The following ACTR3C variants were observed in gnomAD, a reference collection of about 807,000 sequenced individuals.
ACTR3C encodes actin related protein 3C.
A neutral mutation model predicts 26.3 loss-of-function variants in ACTR3C; 18 were observed. The ratio of observed to expected loss-of-function variants is 0.68; its 90% CI spans 0.47 to 1.01. The LOEUF is 1.01. ACTR3C is among the 50% of genes least tolerant of loss of function. The pLI, the probability that ACTR3C is intolerant of heterozygous loss-of-function variation, is 0.00. For synonymous variants in ACTR3C, 55 were observed against 94.5 expected (o/e 0.58, Z 2.42); for missense variants, 184 against 250.7 (o/e 0.73, Z 1.80).
At chr7:149,894,863 C>T in the ACTR3C span, among the ~76,000 whole-genome samples, 10 of 151,870 alleles carry the variant, frequency 6.6e-5, no homozygotes, top group South Asian at 8.3e-4. Context: ...AACTACCATA[C>T]GATCCAACAA....
the ACTR3C span, among the ~76,000 whole-genome samples, chr7:150,126,423 A>G: frequency 2.6e-5 from 4 of 152,230 alleles, no homozygotes; most frequent in African/African-American, 7.2e-5. Context: ...TACATTTAAA[A>G]TACTTTATTC....
chr7:150,001,175 C>G, the ACTR3C span: 2 of 152,526 alleles, frequency 1.3e-5, no homozygotes, highest in Non-Finnish European at 2.9e-5. Flanking sequence ...TGGCTCTTGT[C>G]GAGTTGGGGC....
the ACTR3C span, among the ~76,000 whole-genome samples, chr7:150,154,628 A>G: frequency 4.6e-5 from 7 of 152,266 alleles, no homozygotes; most frequent in African/African-American, 1.7e-4. Flanking sequence ...ACAGGAAGTC[A>G]TAGAGCTTTG....
At chr7:150,032,405 T>C in the ACTR3C span, among the ~76,000 whole-genome samples, 2 of 152,218 alleles carry the variant, frequency 1.3e-5, no homozygotes, top group Admixed American at 1.3e-4. Context: ...GTCCTGTTCC[T>C]GTCTGTGCAA....
At chr7:149,992,670 G>A in the ACTR3C span, among the ~76,000 whole-genome samples, 2 of 152,222 alleles carry the variant, frequency 1.3e-5, no homozygotes, top group Admixed American at 1.3e-4. Flanking sequence ...CCGTAGAAGT[G>A]AACGTGGCAA....
At chr7:150,280,303 C>T (rs544311899) in intron 6 of ACTR3C, among the ~76,000 whole-genome samples, 12 of 152,276 alleles carry the variant, frequency 7.9e-5, no homozygotes, top group Admixed American at 5.9e-4. Context: ...GAGGCTTCCC[C>T]GCAGGCCCCA....
chr7:150,293,148 A>G (rs539938175), intron 3 of ACTR3C, among the ~76,000 whole-genome samples, 164 bp downstream of exon 3: 3 of 152,124 alleles, frequency 2.0e-5, no homozygotes, highest in East Asian at 1.9e-4. Context: ...ATTCCTTTAT[A>G]TAAGGTGGCA....
the ACTR3C span, among the ~76,000 whole-genome samples, chr7:150,034,842 T>C: frequency 6.4e-5 from 6 of 94,334 alleles, no homozygotes; most frequent in Admixed American, 4.2e-4. Flanking sequence ...CTGCGATGGG[T>C]GTCCTAAGAG....
At chr7:150,071,126 C>G in the ACTR3C span, among the ~76,000 whole-genome samples, 1 of 146,120 alleles carries the variant, frequency 6.8e-6, no homozygotes, top group Non-Finnish European at 1.5e-5. Flanking sequence ...AAGGCAATTT[C>G]TTTCTTTTTT....
At chr7:150,250,649 T>C (rs1832788327) in intron 6 of ACTR3C, among the ~76,000 whole-genome samples, 1 of 151,886 alleles carries the variant, frequency 6.6e-6, no homozygotes, top group Admixed American at 6.6e-5. Flanking sequence ...CAGTGGGTTC[T>C]GGGGGATGGT....
chr7:150,084,521 A>C, the ACTR3C span, among the ~76,000 whole-genome samples: 1 of 152,142 alleles, frequency 6.6e-6, no homozygotes, highest in Non-Finnish European at 1.5e-5. Flanking sequence ...CTGCGGAGGT[A>C]TCATGGGGCT....
At chr7:150,040,828 G>A in the ACTR3C span, among the ~76,000 whole-genome samples, 2 of 147,680 alleles carry the variant, frequency 1.4e-5, no homozygotes, top group South Asian at 4.3e-4. Flanking sequence ...TGTGATGGGG[G>A]TCACAAGAGC....
At chr7:149,938,740 T>C in the ACTR3C span, among the ~76,000 whole-genome samples, 396 of 152,018 alleles carry the variant, frequency 2.6e-3, 2 homozygotes, top group Admixed American at 5.2e-3. Context: ...AAAGAGAACG[T>C]AATATTGTAC....
chr7:150,190,053 CT>C, the ACTR3C span, among the ~76,000 whole-genome samples: 1 of 152,208 alleles, frequency 6.6e-6, no homozygotes. Flanking sequence ...GTTGCTTGAA[CT>C]TTGTGTGGTC....
At chr7:149,974,243 T>C in the ACTR3C span, among the ~76,000 whole-genome samples, 1 of 138,816 alleles carries the variant, frequency 7.2e-6, no homozygotes, top group Non-Finnish European at 1.5e-5. Context: ...GTGAGTATTA[T>C]TATGACTTCT....
At chr7:150,257,817 A>G (rs1282388197) in intron 6 of ACTR3C, among the ~76,000 whole-genome samples, 1 of 152,164 alleles carries the variant, frequency 6.6e-6, no homozygotes, top group East Asian at 1.9e-4. Context: ...CTCACTCTTC[A>G]CTAAGACCAT....
At chr7:150,228,854 T>G in the ACTR3C span, among the ~76,000 whole-genome samples, 2 of 148,342 alleles carry the variant, frequency 1.3e-5, no homozygotes, top group Non-Finnish European at 3.0e-5. Context: ...TGTATAATAC[T>G]ATATATAGTA....
chr7:150,056,295 A>G, the ACTR3C span, among the ~76,000 whole-genome samples: 4 of 152,210 alleles, frequency 2.6e-5, no homozygotes, highest in African/African-American at 4.8e-5. Flanking sequence ...TCATGCATAT[A>G]TGTGGGTTCT....
the ACTR3C span, among the ~76,000 whole-genome samples, chr7:149,918,460 G>C: frequency 6.6e-6 from 1 of 152,260 alleles, no homozygotes; most frequent in Non-Finnish European, 1.5e-5. Flanking sequence ...GGAGGCCGAG[G>C]CAGGCGGATC....
Sources: allele counts gnomAD v4.1 joint callset (sites outside exome capture counted in the v4.1 genomes callset), GRCh38; gene constraint gnomAD v4.1.1; transcripts MANE v1.5; gene names NCBI Gene and HGNC (gene_info 2026-07-23, HGNC 2026-07-21).